DNAJC1: variants seen among roughly 807,000 people sequenced by gnomAD.
DNAJC1 encodes the protein dnaJ homolog subfamily C member 1.
DNAJC1 carries 58 observed loss-of-function variants against 76.6 expected under a neutral mutation model. The ratio of observed to expected loss-of-function variants is 0.76; its 90% confidence interval spans 0.61 to 0.94. DNAJC1 has a LOEUF of 0.94. DNAJC1 is among the 40% of genes least tolerant of loss of function. DNAJC1 has a pLI of 0.00. For missense variants in DNAJC1, 689 were observed against 677.3 expected, an observed-to-expected ratio of 1.02 and a Z score of -0.19; for synonymous variants, 258 against 267.9, an observed-to-expected ratio of 0.96 and a Z score of 0.36.
intron 1 of DNAJC1, among the ~76,000 whole-genome samples, chr10:21,993,901 G>A (rs776426088): frequency 9.3e-5 from 14 of 151,238 alleles, no homozygotes; most frequent in South Asian, 6.3e-4. Context: ...TTTATCCTGC[G>A]GGCAAACTTT....
At chr10:21,769,622 C>T (rs924186791) in intron 9 of DNAJC1, among the ~76,000 whole-genome samples, 1 of 152,218 alleles carries the variant, frequency 6.6e-6, no homozygotes, top group Non-Finnish European at 1.5e-5. Flanking sequence ...GCCATTAAAT[C>T]TCTCAGAGGT....
chr10:21,950,817 A>C (rs1837582162), intron 1 of DNAJC1, among the ~76,000 whole-genome samples: 1 of 152,222 alleles, frequency 6.6e-6, no homozygotes, highest in Non-Finnish European at 1.5e-5. Flanking sequence ...CTTGAGCCAG[A>C]GCCTAATCCA....
At chr10:21,843,778 C>T (rs1362909369) in intron 8 of DNAJC1, among the ~76,000 whole-genome samples, 3 of 151,078 alleles carry the variant, frequency 2.0e-5, no homozygotes, top group Non-Finnish European at 2.9e-5. Context: ...CTCACTCTGT[C>T]ATCCAGGCTG....
At chr10:21,858,293 C>T (rs1835870985) in intron 8 of DNAJC1, among the ~76,000 whole-genome samples, 1 of 152,122 alleles carries the variant, frequency 6.6e-6, no homozygotes, top group Non-Finnish European at 1.5e-5. Flanking sequence ...CAGTAAAAAA[C>T]ACTGCTAGTT....
At chr10:21,909,168 G>A (rs909913940) in intron 6 of DNAJC1, among the ~76,000 whole-genome samples, 13 of 152,266 alleles carry the variant, frequency 8.5e-5, no homozygotes, top group African/African-American at 2.9e-4. Context: ...GATTACAGGC[G>A]TAAGCCACCG....
intron 1 of DNAJC1, among the ~76,000 whole-genome samples, chr10:22,000,800 G>C (rs1838505861): frequency 6.6e-6 from 1 of 152,224 alleles, no homozygotes; most frequent in African/African-American, 2.4e-5. Context: ...GACACAGCAA[G>C]AAGGTGCCAT....
chr10:21,951,452 T>C (rs1202564020), intron 1 of DNAJC1, among the ~76,000 whole-genome samples: 3 of 152,174 alleles, frequency 2.0e-5, no homozygotes, highest in Non-Finnish European at 4.4e-5. Context: ...ATTTTTCTCC[T>C]ACCAAATTAA....
chr10:21,915,053 T>A (rs955834532), intron 6 of DNAJC1, among the ~76,000 whole-genome samples: 2 of 152,234 alleles, frequency 1.3e-5, no homozygotes, highest in African/African-American at 4.8e-5. Flanking sequence ...TAGTCCCTAG[T>A]AGTGCTTTGT....
At chr10:21,854,943 G>A (rs1835810698) in intron 8 of DNAJC1, among the ~76,000 whole-genome samples, 1 of 152,132 alleles carries the variant, frequency 6.6e-6, no homozygotes, top group African/African-American at 2.4e-5. Flanking sequence ...GTGAAATACA[G>A]TCTTCGATAT....
Position 21,842,131 on chromosome 10 carries a change from A to G in DNAJC1, c.979-36032T>C, listed in dbSNP as rs547570746. ...GGGAGGGGGGAGGGACAGTATTAGG[A>G]GATATACCTAATGCTAAATGATGAG... is the stretch of plus-strand genomic sequence containing the variant. On this transcript the variant is annotated intron_variant, in intron 8 of 11. Transcript: ENST00000376980. Among the ~76,000 whole-genome samples, 25 of 151,032 alleles carry G rather than the reference A, an allele frequency of 1.7e-4. No individual in the cohort carries two copies. In the East Asian group the frequency reaches 4.9e-3, roughly 30 times the overall value.
chr10:21,821,894 T>G (rs1835165110), intron 8 of DNAJC1, among the ~76,000 whole-genome samples: 1 of 149,258 alleles, frequency 6.7e-6, no homozygotes, highest in Admixed American at 6.7e-5. Context: ...ATTGAAAAAA[T>G]GTATAAGGAC....
intron 8 of DNAJC1, among the ~76,000 whole-genome samples, chr10:21,826,267 A>C (rs1204661480): frequency 6.6e-6 from 1 of 150,498 alleles, no homozygotes; most frequent in Non-Finnish European, 1.5e-5. Flanking sequence ...AGGAGACGAA[A>C]ATATATCACA....
At position 21,843,742 on chromosome 10, in the gene DNAJC1, CT is replaced by C. The variant is rs1156943907; in HGVS notation, c.979-37644del. On this transcript the variant is annotated intron_variant, in intron 8 of 11. Coordinates refer to ENST00000376980, the MANE Select transcript of DNAJC1 (RefSeq NM_022365.4). ...CAAAATTCAGAAATGATTTTACAAT[CT>C]TTTTTTTTTTTTTTAAGAGGAAGTC... Among the ~76,000 whole-genome samples, 1,103 of 137,368 alleles carry C rather than the reference CT, an allele frequency of 8.0e-3. 1 individual carries two copies. Among genetic ancestry groups the C allele is most frequent in the African/African-American group, 9.3e-3 (348 of 37,552 alleles). The allele number at this position is 137,368 out of a possible 152,430, so 90.1% of individuals were successfully genotyped here. A position where few individuals can be genotyped will look rare whatever the true frequency, so the allele number is the denominator to read the frequency against.
chr10:21,958,764 G>C (rs1182139161), intron 1 of DNAJC1, among the ~76,000 whole-genome samples: 1 of 151,960 alleles, frequency 6.6e-6, no homozygotes, highest in African/African-American at 2.4e-5. Flanking sequence ...TAAATGGAAG[G>C]GATGAGGTTT....
intron 1 of DNAJC1, among the ~76,000 whole-genome samples, chr10:21,949,729 C>A (rs953434902): frequency 7.2e-5 from 11 of 151,788 alleles, no homozygotes; most frequent in African/African-American, 2.7e-4. Flanking sequence ...TAAGCGATTG[C>A]CCTCTATTGA....
At chr10:21,756,853 C>A in intron 11 of DNAJC1, 98 bp from the exon 12 acceptor site, 4 of 1,092,106 alleles carry the variant, frequency 3.7e-6, no homozygotes, top group Non-Finnish European at 5.5e-6. Context: ...TGAAGAGCCT[C>A]ACGTCCAGTC....
At chr10:21,881,521 GC>G (rs1180517665) in intron 8 of DNAJC1, among the ~76,000 whole-genome samples, 2 of 152,066 alleles carry the variant, frequency 1.3e-5, no homozygotes, top group Non-Finnish European at 2.9e-5. Flanking sequence ...ATACTGCTGT[GC>G]CTTAGGGAGT....
chr10:21,988,414 T>C (rs1300824358), intron 1 of DNAJC1, among the ~76,000 whole-genome samples: 1 of 152,148 alleles, frequency 6.6e-6, no homozygotes, highest in African/African-American at 2.4e-5. Context: ...CTCCTCAAAT[T>C]ATACAAAAAC....
At chr10:21,763,570 T>TG (rs1304930394) in intron 10 of DNAJC1, among the ~76,000 whole-genome samples, 2 of 151,388 alleles carry the variant, frequency 1.3e-5, no homozygotes, top group Non-Finnish European at 2.9e-5. Context: ...AGGTTGTTTT[T>TG]TTTTTTTTTT....
Sources: gnomAD v4.1 joint callset for allele counts (sites outside exome capture counted in the v4.1 genomes callset) on GRCh38, gnomAD v4.1.1 for gene constraint, MANE v1.5 for transcripts, NCBI Gene and HGNC (gene_info 2026-07-23, HGNC 2026-07-21) for gene names.